PAQR6: variants seen among roughly 807,000 people sequenced by gnomAD.
PAQR6 encodes membrane progestin receptor delta.
Under a neutral mutation model 36.2 loss-of-function variants are expected in PAQR6, and 34 were observed. The observed-to-expected ratio is 0.94, with a 90% CI of 0.71 to 1.25. PAQR6 has a LOEUF of 1.25. Among genes scored for constraint, PAQR6 ranks in the 50% most tolerant of loss-of-function variants. PAQR6 has a pLI of 0.00. For missense variants in PAQR6, 431 were observed against 445.7 expected (o/e 0.97, Z 0.30); for synonymous variants, 190 against 190.7 (o/e 1.00, Z 0.03).
At chr1:156,245,716 C>T in intron 4 of PAQR6, 55 bp from the exon 5 acceptor site, 2 of 1,582,660 alleles carry the variant, frequency 1.3e-6, no homozygotes, top group Non-Finnish European at 8.6e-7. Flanking sequence ...CCCTATGTCC[C>T]GCGTCCCACC....
chr1:156,246,345 G>C, intron 2 of PAQR6, 95 bp from the exon 3 acceptor site: 1 of 1,202,422 alleles, frequency 8.3e-7, no homozygotes, highest in Non-Finnish European at 1.2e-6. Flanking sequence ...GGCTGGGCTG[G>C]AGATCAACGT....
Position 156,246,159 on chromosome 1 carries a change from T to G in PAQR6, c.143A>C (p.Glu48Ala). ...GAAGTGAGTCCAGATGTTGACCGTCTCGTTGGTCATCTGGAAGGAGCTGAG... is the reference window on the plus strand; with the variant it reads ...GAAGTGAGTCCAGATGTTGACCGTCGCGTTGGTCATCTGGAAGGAGCTGAG... ...CVLSSFQMTN[E>A]TVNIWTHFLP... is the part of the protein sequence containing the mutation. The change falls in exon 3 of 8, where the codon GAG (glutamate) becomes GCG (alanine). Residue 48 changes from glutamate (E) to alanine (A), a missense_variant. Glu to Ala is a moderately radical substitution (Grantham distance 107). Transcript: ENST00000292291. 1 of 1,613,310 alleles carries G rather than the reference T, an allele frequency of 6.2e-7. No individual in the cohort carries two copies. The highest frequency in any genetic ancestry group is 8.5e-7 in the Non-Finnish European group (1 of 1,180,014).
Position 156,245,241 on chromosome 1 carries a change from G to C in PAQR6, c.513-3C>G, listed in dbSNP as rs538148921. ...CAGGGCTTTCCAGCTCCAGGAAACT[G>C]GGAGGCGGGAGGAAAAGGCCGGTCA... is the stretch of plus-strand genomic sequence containing the variant. On this transcript the variant is annotated splice_region_variant and splice_polypyrimidine_tract_variant and intron_variant, in intron 5 of 7. Transcript: ENST00000292291. 1.2e-6 allele frequency: 2 copies of C among 1,613,124 alleles called. No individual in the cohort carries two copies. The highest frequency in any genetic ancestry group is 8.5e-7 in the Non-Finnish European group (1 of 1,179,186).
At position 156,243,463 on chromosome 1, in the gene PAQR6, A is replaced by C; in HGVS notation, c.*666T>G. On this transcript the variant is annotated 3_prime_UTR_variant, in exon 8 of 8. Transcript: ENST00000292291. ...TATTTGTACCTGCCTTGTTCCAGAA[A>C]ACGTTGAAGGTGGCTTCCCAAAGTC... The C allele has an allele frequency of 2.1e-6, 1 of 480,462 alleles. No homozygotes were observed. The highest frequency in any genetic ancestry group is 3.6e-6 in the Non-Finnish European group (1 of 275,542). 29.8% of individuals were successfully genotyped at this position (480,462 alleles called of 1,614,324 possible).
In PAQR6 at chr1:156,245,664, G is replaced by A; in HGVS notation, c.386-3C>T. On this transcript the variant is annotated splice_polypyrimidine_tract_variant and splice_region_variant and intron_variant, in intron 4 of 7. Transcript: ENST00000292291. ...GGCGGCATAGGGGAAGGCGCAGCCT[G>A]CGGTGAGGTGGGGGCGTGCAGCTGA... The A allele has an allele frequency of 6.2e-7, 1 of 1,612,074 alleles. No individual in the cohort carries two copies. The highest frequency in any genetic ancestry group is 8.5e-7 in the Non-Finnish European group (1 of 1,179,450).
Position 156,243,341 on chromosome 1 carries a change from A to G in PAQR6, c.*788T>C, listed in dbSNP as rs1169186188. On this transcript the variant is annotated 3_prime_UTR_variant, in exon 8 of 8. Coordinates refer to ENST00000292291, the MANE Select transcript of PAQR6 (RefSeq NM_198406.3). ...AATCTGTGGGCCTGTGAGTCTGTCC[A>G]GTTTATGGAGTGTGGGAGGGAGGTG... 7 of 1,077,082 alleles carry G rather than the reference A, an allele frequency of 6.5e-6. No homozygotes were observed. Among genetic ancestry groups the G allele is most frequent in the Non-Finnish European group, 9.1e-6 (7 of 769,758 alleles). 66.7% of individuals were successfully genotyped at this position (1,077,082 alleles called of 1,614,324 possible).
chr1:156,245,498 C>A, intron 5 of PAQR6, 37 bp downstream of exon 5: 1 of 1,609,570 alleles, frequency 6.2e-7, no homozygotes, highest in South Asian at 1.1e-5. Context: ...TGTGCCTCCG[C>A]CTTCCCCGTC....
rs557469932 is a variant in PAQR6, at chr1:156,246,141, G to A, written c.161C>T (p.Thr54Ile). ...CCCTCACCAGGTGGGCAGGAAGTGA[G>A]TCCAGATGTTGACCGTCTCGTTGGT... is the stretch of plus-strand genomic sequence containing the variant. ...QMTNETVNIW[T>I]HFLPTWYFLW... Residue 54 changes from threonine (T) to isoleucine (I), a missense_variant, in exon 3 of 8, where the codon ACT (threonine) becomes ATT (isoleucine). Transcript: ENST00000292291. 2 of 1,612,900 alleles carry A rather than the reference G, an allele frequency of 1.2e-6. No homozygotes were observed. Among genetic ancestry groups the A allele is most frequent in the South Asian group, 2.2e-5 (2 of 91,068 alleles).
At position 156,245,171 on chromosome 1, in the gene PAQR6, G is replaced by A; in HGVS notation, c.580C>T (p.Leu194=). 1 of 1,614,134 alleles carries A rather than the reference G, an allele frequency of 6.2e-7. No individual in the cohort carries two copies. Among genetic ancestry groups the A allele is most frequent in the Non-Finnish European group, 8.5e-7 (1 of 1,180,022 alleles). Residue 194 remains leucine, a synonymous_variant, in exon 6 of 8, where the codon CTG becomes TTG. Coordinates refer to ENST00000292291, the MANE Select transcript of PAQR6 (RefSeq NM_198406.3). ...TAAAAGAGTGGGAGGTTGTCGAACA[G>A]GAATGGATAGGCGAAGGCTCCTGTG... ...LRTGAFAYPF[L]FDNLPLFYRL... is the part of the protein sequence containing the mutation.
chr1:156,246,818 C>G, intron 1 of PAQR6, 62 bp from the exon 2 acceptor site: 1 of 1,417,702 alleles, frequency 7.1e-7, no homozygotes, highest in African/African-American at 1.4e-5. Flanking sequence ...CCCCTTTCAC[C>G]TGGGTTCAGC....
At chr1:156,245,335 C>T in intron 5 of PAQR6, 97 bp from the exon 6 acceptor site, 2 of 1,381,912 alleles carry the variant, frequency 1.4e-6, no homozygotes, top group Admixed American at 1.8e-5. Flanking sequence ...AATATCAGCA[C>T]AGCCTGCAGC....
At position 156,244,349 on chromosome 1, in the gene PAQR6, AG is replaced by A. The variant is rs1659851480; in HGVS notation, c.814del (p.Leu272TrpfsTer163). ...ICAVLGTHFQ[L>X]EAVLADMGSR... Reference sequence around the variant, plus strand: ...TCCCATATCAGCCAGCACTGCCTCCAGCTGGAAGTGGGTGCCCAGCACTGCA... The same window carrying A: ...TCCCATATCAGCCAGCACTGCCTCCACTGGAAGTGGGTGCCCAGCACTGCA... On this transcript the variant is annotated frameshift_variant, in exon 8 of 8. Coordinates refer to ENST00000292291, the MANE Select transcript of PAQR6 (RefSeq NM_198406.3). LOFTEE classifies it high-confidence loss of function. 3 of 1,588,738 alleles carry A rather than the reference AG, an allele frequency of 1.9e-6. No homozygotes were observed. Among genetic ancestry groups the A allele is most frequent in the Admixed American group, 1.8e-5 (1 of 56,370 alleles).
chr1:156,246,436 A>C (rs1490567173), intron 2 of PAQR6, among the ~76,000 whole-genome samples, 186 bp from the exon 3 acceptor site: 1 of 152,174 alleles, frequency 6.6e-6, no homozygotes, highest in African/African-American at 2.4e-5. Flanking sequence ...TAGGAAACCG[A>C]AGAGCCAGAT....
In PAQR6 at chr1:156,246,788, T is replaced by C. The variant is rs951895441; in HGVS notation, c.-25-32A>G. On this transcript the variant is annotated intron_variant, in intron 1 of 7. Transcript: ENST00000292291. Reference sequence around the variant, plus strand: ...ACAGAGTGGGAGGTAGGGGATCAGATAACTGCCCCCATCCACAGGCCCCTT... The same window carrying C: ...ACAGAGTGGGAGGTAGGGGATCAGACAACTGCCCCCATCCACAGGCCCCTT... The C allele has an allele frequency of 2.5e-6, 4 of 1,571,766 alleles. No individual in the cohort carries two copies. In the African/African-American group the frequency reaches 4.1e-5, roughly 16 times the overall value.
At chr1:156,247,571 T>C (rs942063284) in intron 1 of PAQR6, 3 of 154,022 alleles carry the variant, frequency 1.9e-5, no homozygotes, top group African/African-American at 7.2e-5. Context: ...CGCATGCACT[T>C]TGGGGCTTGC....
chr1:156,243,831 G>A lies in PAQR6; in HGVS notation c.*298C>T, dbSNP rs568568157. The A allele has an allele frequency of 1.4e-5, 22 of 1,540,892 alleles. No homozygotes were observed. The highest frequency in any genetic ancestry group is 3.7e-5 in the South Asian group (3 of 80,570). On this transcript the variant is annotated 3_prime_UTR_variant, in exon 8 of 8. Coordinates refer to ENST00000292291, the MANE Select transcript of PAQR6 (RefSeq NM_198406.3). ...TGAAAGGACCCCAACACCTCCCCCC[G>A]CCAACCTTTGACAGAATATAGGGGC...
chr1:156,247,532 T>G (rs1485978988), intron 1 of PAQR6: 1 of 153,014 alleles, frequency 6.5e-6, no homozygotes, highest in Admixed American at 6.5e-5. Context: ...CCCCTCTTCT[T>G]GCCACCAGCT....
rs1025379352 is a variant in PAQR6, at chr1:156,247,982, C to T, written c.-51G>A. On this transcript the variant is annotated 5_prime_UTR_variant, in exon 1 of 8. Coordinates refer to ENST00000292291, the MANE Select transcript of PAQR6 (RefSeq NM_198406.3). Reference sequence around the variant, plus strand: ...CCAGAGCTTGGTGGGTGCTCCTAAGCTGGTGGGTCAACAGGCCCAGGGCTC... The same window carrying T: ...CCAGAGCTTGGTGGGTGCTCCTAAGTTGGTGGGTCAACAGGCCCAGGGCTC... 1 of 464,320 alleles carries T rather than the reference C, an allele frequency of 2.2e-6. No homozygotes were observed. Among genetic ancestry groups the T allele is most frequent in the South Asian group, 1.6e-5 (1 of 62,872 alleles). 28.8% of individuals were successfully genotyped at this position (464,320 alleles called of 1,614,324 possible). A position where few individuals can be genotyped will look rare whatever the true frequency, so the allele number is the denominator to read the frequency against.
chr1:156,244,712 A>G lies in PAQR6; in HGVS notation c.760+49T>C, dbSNP rs552475994. ...TACCCAGTTCATTCTGTGCTCTGGG[A>G]AGGCATCTGCCCCTGCCTCTTCCCG... On this transcript the variant is annotated intron_variant, in intron 7 of 7. Coordinates refer to ENST00000292291, the MANE Select transcript of PAQR6 (RefSeq NM_198406.3). 9 of 1,613,390 alleles carry G rather than the reference A, an allele frequency of 5.6e-6. No individual in the cohort carries two copies. The South Asian group carries it at 7.7e-5, about 14-fold the overall frequency.
Sources: allele counts gnomAD v4.1 joint callset (sites outside exome capture counted in the v4.1 genomes callset), GRCh38; gene constraint gnomAD v4.1.1; transcripts MANE v1.5; gene names NCBI Gene and HGNC (gene_info 2026-07-23, HGNC 2026-07-21).